The following BOP1 variants were observed in gnomAD, a reference collection of about 807,000 sequenced individuals.
BOP1 encodes the protein ribosome biogenesis protein BOP1.
Under a neutral mutation model 82.9 loss-of-function variants are expected in BOP1, and 54 were observed. The ratio of observed to expected loss-of-function variants is 0.65; its 90% CI spans 0.52 to 0.82. The LOEUF is 0.82. Ranked by LOEUF, BOP1 falls within the 40% of genes least tolerant of loss-of-function variation. The pLI, the probability that BOP1 is intolerant of heterozygous loss-of-function variation, is 0.00. For synonymous variants in BOP1, 566 were observed against 451.1 expected (o/e 1.25, Z -3.23); for missense variants, 1,170 against 1,072.0 (o/e 1.09, Z -1.28).
rs1564601442 is a variant in BOP1, at chr8:144,280,807, A to G, written c.310-4503T>C. Among the ~76,000 whole-genome samples, 3 of 152,258 alleles carry G rather than the reference A, an allele frequency of 2.0e-5. No homozygotes were observed. The East Asian group carries it at 5.8e-4, about 29-fold the overall frequency. ...GTGGAGACTGCAGTGAGCTGAGATCAGGCTATTGCACTCCAGCCCGGGTGA... is the reference window on the plus strand; with the variant it reads ...GTGGAGACTGCAGTGAGCTGAGATCGGGCTATTGCACTCCAGCCCGGGTGA... On this transcript the variant is annotated intron_variant, in intron 2 of 15. Transcript: ENST00000569669.
intron 3 of BOP1, among the ~76,000 whole-genome samples, chr8:144,269,753 G>C (rs1845461595): frequency 6.6e-6 from 1 of 152,216 alleles, no homozygotes; most frequent in Non-Finnish European, 1.5e-5. Context: ...CCAGGGCCCG[G>C]GGGACACGGA....
intron 2 of BOP1, among the ~76,000 whole-genome samples, chr8:144,284,811 A>G (rs549825441): frequency 1.5e-3 from 225 of 152,320 alleles, no homozygotes; most frequent in African/African-American, 5.1e-3. Flanking sequence ...GTGCATGTCA[A>G]TGCTAAAGGC....
At chr8:144,266,419 GCCGCTATAAAGGCGCAGCTCGGGGCC>G (rs2130206831) in intron 3 of BOP1, 1 of 802,036 alleles carries the variant, frequency 1.2e-6, no homozygotes, top group Non-Finnish European at 1.5e-6. Flanking sequence ...GGGCCGGGAC[GCCGCTATAAAGGCGCAGCTCGGGGCC>G]CCGCTCCGGC....
intron 9 of BOP1, 23 bp downstream of exon 9, chr8:144,263,808 C>T: frequency 1.2e-6 from 2 of 1,609,048 alleles, no homozygotes; most frequent in Admixed American, 1.7e-5. Context: ...GGGTGCAACC[C>T]CAGCCCCCTA....
In BOP1 at chr8:144,264,012, A is replaced by G; in HGVS notation, c.1109T>C (p.Leu370Pro). ...IQERFERCLD[L>P]YLCPRQRKMR... ...CTTGCGCTGCCGTGGGCACAGGTAC[A>G]GGTCAAGGCAGCGCTCGAAGCGTTC... Residue 370 changes from leucine to proline, a missense_variant, in exon 8 of 16, where the codon CTG becomes CCG. By Grantham distance (98) the Leu-to-Pro change is moderately conservative. Coordinates refer to ENST00000569669, the MANE Select transcript of BOP1 (RefSeq NM_015201.5). 1.2e-6 allele frequency: 2 copies of G among 1,608,990 alleles called. No homozygotes were observed. Among genetic ancestry groups the G allele is most frequent in the Non-Finnish European group, 1.7e-6 (2 of 1,179,776 alleles).
intron 2 of BOP1, among the ~76,000 whole-genome samples, chr8:144,277,722 C>T (rs1001976846): frequency 3.9e-5 from 6 of 151,918 alleles, no homozygotes; most frequent in Admixed American, 1.3e-4. Context: ...GCAGCATCCC[C>T]GTGGGACAGC....
chr8:144,264,164 G>A (rs1845303559), intron 7 of BOP1, 22 bp from the exon 8 acceptor site: 3 of 1,610,372 alleles, frequency 1.9e-6, no homozygotes, highest in East Asian at 2.2e-5. Flanking sequence ...AAGACACAGG[G>A]GTGGGGAGGG....
intron 3 of BOP1, 81 bp downstream of exon 3, chr8:144,276,143 C>A: frequency 1.3e-6 from 2 of 1,554,644 alleles, no homozygotes; most frequent in Non-Finnish European, 1.8e-6. Context: ...CCAGGGCAAC[C>A]CCAGCCCCAA....
At chr8:144,268,124 G>C in intron 3 of BOP1, 3 of 1,551,790 alleles carry the variant, frequency 1.9e-6, no homozygotes, top group Non-Finnish European at 2.6e-6. Flanking sequence ...GCGACAGAAA[G>C]ACAGCGATTC....
chr8:144,268,924 C>A (rs948882176), intron 3 of BOP1, among the ~76,000 whole-genome samples: 3 of 150,370 alleles, frequency 2.0e-5, no homozygotes, highest in Non-Finnish European at 4.4e-5. Context: ...AGGAGTGGAG[C>A]GAGCTGTGCT....
At chr8:144,286,184 T>C (rs782650069) in intron 2 of BOP1, among the ~76,000 whole-genome samples, 30 of 152,192 alleles carry the variant, frequency 2.0e-4, no homozygotes, top group Non-Finnish European at 3.5e-4. Flanking sequence ...ACTAAGAAGC[T>C]GAAAGCACCC....
rs1214896740 is a variant in BOP1 at position 144,281,269 on chromosome 8, G to C, written c.310-4965C>G. 3.0e-3 allele frequency among the ~76,000 whole-genome samples: 16 copies of C among 5,260 alleles called. 7 individuals are homozygous for C. Among genetic ancestry groups the C allele is most frequent in the Non-Finnish European group, 4.7e-3 (11 of 2,330 alleles). The allele number at this position is 5,260 out of a possible 152,430, so 3.5% of individuals were successfully genotyped here. On this transcript the variant is annotated intron_variant, in intron 2 of 15. Transcript: ENST00000569669. ...ATACCAGGTCTTCGGCCTTCCCTCA[G>C]TTTAATACCAGGTCTTCGGCCTTCC... is the stretch of plus-strand genomic sequence containing the variant.
intron 2 of BOP1, among the ~76,000 whole-genome samples, chr8:144,283,201 CAAAA>C (rs60868806): frequency 5.7e-4 from 31 of 54,330 alleles, no homozygotes; most frequent in African/African-American, 8.2e-4. Context: ...AACTCCATCT[CAAAA>C]AAAAAAAAAA....
intron 4 of BOP1, 21 bp downstream of exon 4, chr8:144,264,878 GCCCACCCCGGCTGCTGGC>G: frequency 5.6e-6 from 9 of 1,607,238 alleles, no homozygotes; most frequent in East Asian, 2.2e-5. Context: ...CACCCCTCGG[GCCCACCCCGGCTGCTGGC>G]CCCACCCCAC....
chr8:144,289,401 C>G, intron 1 of BOP1, 97 bp from the exon 2 acceptor site: 2 of 1,317,346 alleles, frequency 1.5e-6, no homozygotes, highest in Non-Finnish European at 2.1e-6. Flanking sequence ...AGCCACCCAC[C>G]AGCAGCTCCA....
At position 144,289,353 on chromosome 8, in the gene BOP1, C is replaced by T. The variant is rs1554839860; in HGVS notation, c.100-49G>A. 2.5e-6 allele frequency: 4 copies of T among 1,582,212 alleles called. No individual in the cohort carries two copies. In the South Asian group the frequency reaches 3.4e-5, roughly 13 times the overall value. On this transcript the variant is annotated intron_variant, in intron 1 of 15. Transcript: ENST00000569669. Reference sequence around the variant, plus strand: ...GACAACTGCCCCTCCAGGCATGGGGCACTGAACACTGCAGGGAGAGCTGCC... The same window carrying T: ...GACAACTGCCCCTCCAGGCATGGGGTACTGAACACTGCAGGGAGAGCTGCC...
In BOP1 at chr8:144,276,380, C is replaced by T. The variant is rs915765489; in HGVS notation, c.310-76G>A. 2.3e-4 allele frequency: 347 copies of T among 1,524,250 alleles called. 5 individuals carry two copies. In the South Asian group the frequency reaches 3.8e-3, roughly 17 times the overall value. 94.4% of individuals were successfully genotyped at this position (1,524,250 alleles called of 1,614,324 possible). A position where few individuals can be genotyped will look rare whatever the true frequency, so the allele number is the denominator to read the frequency against. Reference sequence around the variant, plus strand: ...TGACCTTGGGGGGATCCCAGGAAGCCCACCACCCCGAAATCTCTGAGCAGC... The same window carrying T: ...TGACCTTGGGGGGATCCCAGGAAGCTCACCACCCCGAAATCTCTGAGCAGC... On this transcript the variant is annotated intron_variant, in intron 2 of 15. Coordinates refer to ENST00000569669, the MANE Select transcript of BOP1 (RefSeq NM_015201.5).
chr8:144,264,643 G>T, intron 5 of BOP1, 27 bp from the exon 6 acceptor site: 1 of 1,574,078 alleles, frequency 6.4e-7, no homozygotes, highest in Non-Finnish European at 8.6e-7. Flanking sequence ...GGGCGTGTGG[G>T]CCAGAGTGGC....
At chr8:144,277,504 C>T (rs1050744814) in intron 2 of BOP1, among the ~76,000 whole-genome samples, 5 of 152,276 alleles carry the variant, frequency 3.3e-5, no homozygotes, top group Non-Finnish European at 7.3e-5. Context: ...CGACCCCTCA[C>T]AGTGGCCGGG....
Sources: gnomAD v4.1 joint callset for allele counts (sites outside exome capture counted in the v4.1 genomes callset) on GRCh38, gnomAD v4.1.1 for gene constraint, MANE v1.5 for transcripts, NCBI Gene and HGNC (gene_info 2026-07-23, HGNC 2026-07-21) for gene names.